CALN1: variants seen among roughly 807,000 people sequenced by gnomAD.
CALN1 encodes calcium-binding protein 8.
Under a neutral mutation model 30.6 loss-of-function variants are expected in CALN1, and 17 were observed. The observed-to-expected ratio is 0.56, with a 90% CI of 0.38 to 0.83. The LOEUF is 0.83. Ranked by LOEUF, CALN1 falls within the 40% of genes least tolerant of loss-of-function variation. The probability of loss-of-function intolerance (pLI) is 0.00; values close to 1 mark genes in which losing one functional copy is unlikely to be tolerated. For missense variants in CALN1, 291 were observed against 354.9 expected (o/e 0.82, Z 1.45); for synonymous variants, 156 against 131.4 (o/e 1.19, Z -1.28).
intron 2 of CALN1, among the ~76,000 whole-genome samples, chr7:72,399,937 ATC>A (rs1239608537): frequency 1.3e-5 from 2 of 152,070 alleles, no homozygotes; most frequent in Non-Finnish European, 1.5e-5. Context: ...AGAGCCTGGC[ATC>A]TCTCTTGTTC....
At chr7:71,883,110 G>GAT (rs554879660) in intron 5 of CALN1, among the ~76,000 whole-genome samples, 3 of 149,058 alleles carry the variant, frequency 2.0e-5, no homozygotes, top group South Asian at 4.2e-4. Context: ...TGAGGATAGT[G>GAT]ATATATATAT....
At chr7:72,396,559 T>A (rs1439033987) in intron 2 of CALN1, among the ~76,000 whole-genome samples, 2 of 152,106 alleles carry the variant, frequency 1.3e-5, no homozygotes. Context: ...AGACAGTGTG[T>A]CGGGGAAGAG....
At position 72,408,675 on chromosome 7, in the gene CALN1, CT is replaced by C. The variant is rs534883618; in HGVS notation, c.-74+3382del. Among the ~76,000 whole-genome samples the C allele has an allele frequency of 2.4e-3, 186 of 77,982 alleles. 2 individuals carry two copies. Among genetic ancestry groups the C allele is most frequent in the Middle Eastern group, 0.014 (1 of 70 alleles). The allele number at this position is 77,982 out of a possible 152,430, so 51.2% of individuals were successfully genotyped here. A position where few individuals can be genotyped will look rare whatever the true frequency, so the allele number is the denominator to read the frequency against. On this transcript the variant is annotated intron_variant, in intron 1 of 6. Transcript: ENST00000395275. ...AATGACCACCAATTATTATCTTTTC[CT>C]TTTTTTTTTTTTTTTTTTGAGACAG...
chr7:71,880,895 G>A (rs1050649111), intron 5 of CALN1, among the ~76,000 whole-genome samples: 1 of 152,052 alleles, frequency 6.6e-6, no homozygotes, highest in African/African-American at 2.4e-5. Context: ...TGTTTGGATT[G>A]ACGCATGCAA....
rs531009319 is a variant in CALN1, at chr7:72,401,691, CA to C, written c.119+1559del. On this transcript the variant is annotated intron_variant, in intron 2 of 6. Coordinates refer to ENST00000395275, the MANE Select transcript of CALN1 (RefSeq NM_031468.4). ...GCTCGCAACTCTTGCCAAAAAATTC[CA>C]AATTCCCAAAATTCAGGAACAAATG... 4.1e-4 allele frequency among the ~76,000 whole-genome samples: 62 copies of C among 152,248 alleles called. No homozygotes were observed. In the East Asian group the frequency reaches 0.01, roughly 26 times the overall value.
At position 72,034,406 on chromosome 7, in the gene CALN1, G is replaced by A. The variant is rs374614342; in HGVS notation, c.389-10637C>T. Among the ~76,000 whole-genome samples, 39 of 151,454 alleles carry A rather than the reference G, an allele frequency of 2.6e-4. No individual in the cohort carries two copies. The East Asian group carries it at 3.7e-3, about 14-fold the overall frequency. On this transcript the variant is annotated intron_variant, in intron 4 of 6. Transcript: ENST00000395275. ...GAAACTAGGAACAACAAAGAAGTCA[G>A]GAGGAGGACGTACTGGGGAAATGCT...
chr7:72,485,114 G>A, the CALN1 span, among the ~76,000 whole-genome samples: 2 of 152,072 alleles, frequency 1.3e-5, no homozygotes, highest in African/African-American at 4.8e-5. Context: ...AATTACCTAG[G>A]CATGGTAGTA....
chr7:72,410,198 T>A (rs1268912721), intron 1 of CALN1, among the ~76,000 whole-genome samples: 1 of 152,172 alleles, frequency 6.6e-6, no homozygotes, highest in Non-Finnish European at 1.5e-5. Context: ...CATGAGAGCC[T>A]GGAGCTCTTA....
At chr7:72,381,167 A>G (rs966338539) in intron 2 of CALN1, among the ~76,000 whole-genome samples, 27 of 152,232 alleles carry the variant, frequency 1.8e-4, no homozygotes, top group African/African-American at 6.3e-4. Context: ...ATGTGTATTA[A>G]ATTATGCAGA....
chr7:72,329,030 A>T (rs1236496415), intron 2 of CALN1, among the ~76,000 whole-genome samples: 2 of 152,210 alleles, frequency 1.3e-5, no homozygotes, highest in Non-Finnish European at 2.9e-5. Context: ...CATTTTTCCG[A>T]TTGTAAATGT....
At chr7:72,400,542 G>A (rs1245559658) in intron 2 of CALN1, among the ~76,000 whole-genome samples, 2 of 152,124 alleles carry the variant, frequency 1.3e-5, no homozygotes, top group African/African-American at 4.8e-5. Context: ...GTAAACTGAT[G>A]GGAGCAGAGG....
the CALN1 span, among the ~76,000 whole-genome samples, chr7:72,472,431 C>T: frequency 2.6e-5 from 4 of 152,144 alleles, no homozygotes; most frequent in African/African-American, 9.7e-5. Context: ...CACCTGCCCC[C>T]ACCCATTGGC....
At chr7:71,920,649 T>C (rs902052413) in intron 5 of CALN1, among the ~76,000 whole-genome samples, 12 of 152,156 alleles carry the variant, frequency 7.9e-5, no homozygotes, top group African/African-American at 2.9e-4. Flanking sequence ...AATTAGTTTT[T>C]TTATGGACAG....
Position 71,917,047 on chromosome 7 carries a change from T to C in CALN1, c.502-106555A>G, listed in dbSNP as rs75515607. On this transcript the variant is annotated intron_variant, in intron 5 of 6. Transcript: ENST00000395275. ...AACACCAACATATTTCCTCTAAAGATAATGGATTTAACAGCCTAAGAAATG... is the reference window on the plus strand; with the variant it reads ...AACACCAACATATTTCCTCTAAAGACAATGGATTTAACAGCCTAAGAAATG... Among the ~76,000 whole-genome samples, 18 of 152,280 alleles carry C rather than the reference T, an allele frequency of 1.2e-4. No individual in the cohort carries two copies. The East Asian group carries it at 3.3e-3, about 28-fold the overall frequency.
chr7:72,265,001 T>A (rs1345694694), intron 3 of CALN1, among the ~76,000 whole-genome samples: 1 of 152,136 alleles, frequency 6.6e-6, no homozygotes, highest in Non-Finnish European at 1.5e-5. Flanking sequence ...TCCATGTACC[T>A]GCTAATTTTT....
chr7:72,397,708 T>TCACACACA (rs1562947071), intron 2 of CALN1, among the ~76,000 whole-genome samples: 1 of 52,244 alleles, frequency 1.9e-5, no homozygotes, highest in African/African-American at 8.6e-5. Context: ...GAGCACCCAT[T>TCACACACA]CTCTCTCACA....
intron 2 of CALN1, among the ~76,000 whole-genome samples, chr7:72,333,466 C>T (rs948159892): frequency 6.6e-6 from 1 of 152,212 alleles, no homozygotes; most frequent in Non-Finnish European, 1.5e-5. Context: ...GAATTATCCT[C>T]AAATTGAGCG....
intron 2 of CALN1, among the ~76,000 whole-genome samples, chr7:72,353,220 G>A (rs535069549): frequency 4.3e-4 from 65 of 151,370 alleles, no homozygotes; most frequent in African/African-American, 1.5e-3. Context: ...AATAGAGAGC[G>A]GGAACACAGC....
At chr7:71,881,510 CCAA>C (rs1184325588) in intron 5 of CALN1, among the ~76,000 whole-genome samples, 1 of 152,168 alleles carries the variant, frequency 6.6e-6, no homozygotes, top group Non-Finnish European at 1.5e-5. Flanking sequence ...TCTCCATTCC[CCAA>C]CTTCTCCCTC....
Sources: gnomAD v4.1 joint callset for allele counts (sites outside exome capture counted in the v4.1 genomes callset) on GRCh38, gnomAD v4.1.1 for gene constraint, MANE v1.5 for transcripts, NCBI Gene and HGNC (gene_info 2026-07-23, HGNC 2026-07-21) for gene names.